Variants in ZC3H12B observed in about 807,000 individuals in gnomAD.
ZC3H12B encodes zinc finger CCCH-type containing 12B.
Under a neutral mutation model 43.9 loss-of-function variants are expected in ZC3H12B, and 7 were observed. That is an observed-to-expected ratio of 0.16 (90% CI 0.09 to 0.30). The LOEUF (loss-of-function observed/expected upper bound fraction) is 0.30, where lower values mean the gene tolerates loss of function less well. Ranked by LOEUF, ZC3H12B falls within the 10% of genes least tolerant of loss-of-function variation. ZC3H12B has a pLI of 1.00. For missense variants in ZC3H12B, 475 were observed against 670.2 expected (o/e 0.71, Z 3.22); for synonymous variants, 222 against 241.7 (o/e 0.92, Z 0.76).
At chrX:65,212,659 T>C in the ZC3H12B span, among the ~76,000 whole-genome samples, 1 of 88,856 alleles carries the variant, frequency 1.1e-5, no homozygotes, top group Non-Finnish European at 2.1e-5. Context: ...TCATATATTA[T>C]ATATAAATAT....
At chrX:65,242,640 A>G in the ZC3H12B span, among the ~76,000 whole-genome samples, 1 of 112,145 alleles carries the variant, frequency 8.9e-6, no homozygotes, top group Non-Finnish European at 1.9e-5. Context: ...CCTGAAATTT[A>G]TATGGAATCA....
chrX:65,060,521 G>T, the ZC3H12B span, among the ~76,000 whole-genome samples: 58 of 112,003 alleles, frequency 5.2e-4, 1 homozygote, highest in African/African-American at 1.8e-3. Context: ...TGCATATGTT[G>T]AACCATCCTT....
chrX:65,423,902 G>A (rs926789989), intron 3 of ZC3H12B, among the ~76,000 whole-genome samples: 7 of 111,552 alleles, frequency 6.3e-5, no homozygotes, highest in African/African-American at 1.6e-4. Flanking sequence ...ATTGCTTTTC[G>A]GGTTTTGTCA....
the ZC3H12B span, among the ~76,000 whole-genome samples, chrX:65,117,630 C>A: frequency 9.0e-6 from 1 of 111,683 alleles, no homozygotes; most frequent in African/African-American, 3.3e-5. Context: ...TCATGAAGTC[C>A]TTCCCCATGC....
chrX:65,417,146 G>T (rs1284725424), intron 3 of ZC3H12B, among the ~76,000 whole-genome samples: 1 of 111,723 alleles, frequency 9.0e-6, no homozygotes, highest in African/African-American at 3.3e-5. Flanking sequence ...GTTCGAATAG[G>T]TCTGGGGTTC....
chrX:65,063,393 G>C, the ZC3H12B span, among the ~76,000 whole-genome samples: 8 of 111,899 alleles, frequency 7.1e-5, no homozygotes, highest in African/African-American at 2.3e-4. Flanking sequence ...TTTATTGAAG[G>C]CTGTTTGTGC....
At chrX:65,213,627 G>T in the ZC3H12B span, among the ~76,000 whole-genome samples, 1 of 110,792 alleles carries the variant, frequency 9.0e-6, no homozygotes, top group African/African-American at 3.3e-5. Flanking sequence ...GTTTTTTCTA[G>T]TCAGATAACT....
chrX:65,340,194 T>C, the ZC3H12B span, among the ~76,000 whole-genome samples: 28 of 112,133 alleles, frequency 2.5e-4, no homozygotes, highest in Admixed American at 2.4e-3. Context: ...ACCTGCCAGC[T>C]CCTTGCTTCT....
the ZC3H12B span, among the ~76,000 whole-genome samples, chrX:65,226,964 A>G: frequency 6.7e-3 from 749 of 111,112 alleles, 9 homozygotes; most frequent in African/African-American, 0.023. Context: ...TCAACATTAC[A>G]CAGATCAACG....
Position 65,449,817 on chromosome X carries a change from A to G in ZC3H12B, n.408-38829A>G, listed in dbSNP as rs186718386. ...AGCTAAGCTATGCATACACAAAGGC[A>G]TATGGAGTGATATAATGGACTTTGG... On this transcript the variant is annotated intron_variant and non_coding_transcript_variant, in intron 3 of 5. Coordinates refer to the ZC3H12B transcript ENST00000617377. Among the ~76,000 whole-genome samples the G allele has an allele frequency of 9.0e-5, 10 of 110,667 alleles. No individual in the cohort carries two copies. In the East Asian group the frequency reaches 2.3e-3, roughly 25 times the overall value.
At chrX:65,122,095 G>T in the ZC3H12B span, among the ~76,000 whole-genome samples, 1 of 111,157 alleles carries the variant, frequency 9.0e-6, no homozygotes, top group Admixed American at 9.6e-5. Flanking sequence ...AATAAGTGTG[G>T]TGTGGTGCTG....
chrX:65,171,408 A>G, the ZC3H12B span, among the ~76,000 whole-genome samples: 1 of 110,608 alleles, frequency 9.0e-6, no homozygotes, highest in African/African-American at 3.3e-5. Flanking sequence ...TGGAAGCTTC[A>G]TCTCAGAGGT....
chrX:65,313,146 G>T, the ZC3H12B span, among the ~76,000 whole-genome samples: 1 of 111,634 alleles, frequency 9.0e-6, no homozygotes, highest in African/African-American at 3.3e-5. Flanking sequence ...CGTCCCAAAG[G>T]GCGGGATTAC....
In ZC3H12B at chrX:65,380,747, A is replaced by G. The variant is rs747855263; in HGVS notation, n.295+11749A>G. Among the ~76,000 whole-genome samples the G allele has an allele frequency of 9.9e-3, 1,109 of 111,804 alleles. 5 individuals are homozygous for G. Among genetic ancestry groups the G allele is most frequent in the Non-Finnish European group, 0.017 (888 of 53,147 alleles). ...GCAGAGACACACATAGGCTCAAAAT[A>G]AAAGGATGGAGGAAGATCTACCAAA... On this transcript the variant is annotated intron_variant and non_coding_transcript_variant, in intron 2 of 5. Transcript: ENST00000617377.
chrX:65,212,614 G>T, the ZC3H12B span, among the ~76,000 whole-genome samples: 1 of 73,657 alleles, frequency 1.4e-5, no homozygotes, highest in African/African-American at 5.3e-5. Flanking sequence ...TTACATATAT[G>T]ATATATAATA....
the ZC3H12B span, among the ~76,000 whole-genome samples, chrX:65,210,785 T>G: frequency 4.4e-5 from 1 of 22,987 alleles, no homozygotes; most frequent in South Asian, 2.3e-3. Flanking sequence ...TGGATGAAAT[T>G]GGAAACCATC....
the ZC3H12B span, among the ~76,000 whole-genome samples, chrX:65,104,250 C>A: frequency 8.9e-6 from 1 of 112,027 alleles, no homozygotes; most frequent in Non-Finnish European, 1.9e-5. Flanking sequence ...CTTCCTTACA[C>A]CTTATGCAAA....
chrX:65,440,039 C>A (rs2067281734), intron 3 of ZC3H12B, among the ~76,000 whole-genome samples: 1 of 112,058 alleles, frequency 8.9e-6, no homozygotes, highest in African/African-American at 3.2e-5. Context: ...GTTATTGGAT[C>A]TTTTCACCAA....
the ZC3H12B span, among the ~76,000 whole-genome samples, chrX:65,345,174 A>T: frequency 8.9e-6 from 1 of 112,349 alleles, no homozygotes; most frequent in African/African-American, 3.2e-5. Flanking sequence ...AATACCATTC[A>T]ACTTAGCAAT....
Sources: gnomAD v4.1 joint callset for allele counts (sites outside exome capture counted in the v4.1 genomes callset) on GRCh38, gnomAD v4.1.1 for gene constraint, MANE v1.5 for transcripts, NCBI Gene and HGNC (gene_info 2026-07-23, HGNC 2026-07-21) for gene names.